Variants in CDH12 observed in about 807,000 individuals in gnomAD.
The protein encoded by CDH12 is cadherin-12.
Under a neutral mutation model 74.1 loss-of-function variants are expected in CDH12, and 41 were observed. The observed-to-expected ratio is 0.55, with a 90% CI of 0.43 to 0.72. CDH12 has a LOEUF of 0.72. CDH12 is among the 30% of genes least tolerant of loss of function. The pLI is 0.00. For synonymous variants in CDH12, 399 were observed against 355.0 expected (o/e 1.12, Z -1.39); for missense variants, 945 against 977.2 (o/e 0.97, Z 0.44).
At chr5:22,711,205 C>G (rs545519166) in intron 1 of CDH12, among the ~76,000 whole-genome samples, 17 of 152,148 alleles carry the variant, frequency 1.1e-4, no homozygotes, top group African/African-American at 3.9e-4. Flanking sequence ...GTCATAGCAT[C>G]ATATGCAATA....
intron 1 of CDH12, among the ~76,000 whole-genome samples, chr5:22,678,802 T>A (rs1303591646): frequency 1.3e-5 from 2 of 152,130 alleles, no homozygotes; most frequent in Non-Finnish European, 2.9e-5. Context: ...ATCTTATTTA[T>A]TTACCTTTAC....
At chr5:22,655,632 G>A (rs191101130) in intron 1 of CDH12, among the ~76,000 whole-genome samples, 7 of 151,646 alleles carry the variant, frequency 4.6e-5, no homozygotes, top group Admixed American at 2.0e-4. Flanking sequence ...CCTTTTTTGT[G>A]GGTTACATGA....
intron 10 of CDH12, among the ~76,000 whole-genome samples, chr5:21,784,543 C>A (rs1009918103): frequency 6.6e-6 from 1 of 152,016 alleles, no homozygotes; most frequent in East Asian, 1.9e-4. Flanking sequence ...CACAGTCTTA[C>A]CAATTTTAAA....
chr5:22,164,541 C>A (rs535124981), intron 4 of CDH12, among the ~76,000 whole-genome samples: 34 of 152,288 alleles, frequency 2.2e-4, no homozygotes, highest in African/African-American at 7.5e-4. Flanking sequence ...CCGTAATAAA[C>A]ACGGACCAGA....
chr5:22,223,737 C>G (rs1173176498), intron 3 of CDH12, among the ~76,000 whole-genome samples: 1 of 151,868 alleles, frequency 6.6e-6, no homozygotes, highest in Non-Finnish European at 1.5e-5. Context: ...AAGGCAGCAT[C>G]ATTAGTGTAG....
At chr5:22,081,862 T>C (rs1580219970) in intron 4 of CDH12, among the ~76,000 whole-genome samples, 2 of 152,332 alleles carry the variant, frequency 1.3e-5, no homozygotes, top group Middle Eastern at 3.4e-3. Context: ...CATCTGTTGA[T>C]TGTGCTAGAA....
chr5:22,666,092 C>A (rs1740598216), intron 1 of CDH12, among the ~76,000 whole-genome samples: 1 of 152,040 alleles, frequency 6.6e-6, no homozygotes, highest in South Asian at 2.1e-4. Context: ...CATATCAATC[C>A]TGCCAAACAT....
At chr5:22,850,740 A>G (rs926948293) in intron 1 of CDH12, among the ~76,000 whole-genome samples, 1 of 152,264 alleles carries the variant, frequency 6.6e-6, no homozygotes, top group Non-Finnish European at 1.5e-5. Context: ...GGAAGTAGGA[A>G]GAAATTTACA....
intron 2 of CDH12, among the ~76,000 whole-genome samples, chr5:22,429,313 AT>A (rs908360130): frequency 3.4e-4 from 51 of 150,906 alleles, no homozygotes; most frequent in Non-Finnish European, 5.9e-4. Flanking sequence ...GTTTTTTTGC[AT>A]TTTTTTTAGA....
chr5:22,486,541 TC>T (rs557023202), intron 2 of CDH12, among the ~76,000 whole-genome samples: 51 of 145,566 alleles, frequency 3.5e-4, no homozygotes, highest in Admixed American at 7.1e-4. Context: ...AACCTCCGCC[TC>T]CCAGGTTCAA....
chr5:22,721,807 T>C (rs1743907844), intron 1 of CDH12, among the ~76,000 whole-genome samples: 2 of 152,264 alleles, frequency 1.3e-5, no homozygotes, highest in South Asian at 4.1e-4. Context: ...TTTCATGATA[T>C]CTGTTGATTT....
chr5:22,426,688 A>G (rs1253888224), intron 2 of CDH12, among the ~76,000 whole-genome samples: 1 of 152,218 alleles, frequency 6.6e-6, no homozygotes, highest in Non-Finnish European at 1.5e-5. Context: ...TAATTTTAAT[A>G]TATCAATCAG....
chr5:22,584,921 G>A (rs1740304114), intron 1 of CDH12, among the ~76,000 whole-genome samples: 1 of 151,918 alleles, frequency 6.6e-6, no homozygotes, highest in African/African-American at 2.4e-5. Context: ...ACAAGATACT[G>A]CCATAATATT....
intron 3 of CDH12, among the ~76,000 whole-genome samples, chr5:22,251,290 C>T (rs1182585032): frequency 1.3e-5 from 2 of 152,148 alleles, no homozygotes; most frequent in African/African-American, 4.8e-5. Flanking sequence ...TCTACTGACA[C>T]TGATGGACAG....
chr5:21,931,598 T>C (rs1479167036), intron 6 of CDH12, among the ~76,000 whole-genome samples: 1 of 152,144 alleles, frequency 6.6e-6, no homozygotes, highest in Non-Finnish European at 1.5e-5. Context: ...GGTTAACACA[T>C]AAAAATGAGA....
At chr5:22,186,730 CA>C (rs1389768656) in intron 4 of CDH12, among the ~76,000 whole-genome samples, 1 of 152,168 alleles carries the variant, frequency 6.6e-6, no homozygotes, top group African/African-American at 2.4e-5. Flanking sequence ...CTTGGCCTCC[CA>C]AAGTGCTGGG....
intron 8 of CDH12, among the ~76,000 whole-genome samples, chr5:21,817,833 TA>T (rs1260035295): frequency 1.1e-4 from 17 of 151,978 alleles, no homozygotes; most frequent in Non-Finnish European, 1.8e-4. Context: ...GAAAAAAAAG[TA>T]AAATGCTTAT....
intron 3 of CDH12, among the ~76,000 whole-genome samples, chr5:22,333,347 G>A (rs1327429168): frequency 2.0e-5 from 3 of 152,066 alleles, no homozygotes; most frequent in African/African-American, 4.8e-5. Context: ...GAGAGCATTA[G>A]GACAAAGAGC....
intron 6 of CDH12, among the ~76,000 whole-genome samples, chr5:21,936,132 T>C (rs151045538): frequency 0.025 from 3,839 of 152,266 alleles, 182 homozygotes; most frequent in African/African-American, 0.088. Context: ...CTGGATCATA[T>C]GATAGCTCAA....
Sources: gnomAD v4.1 joint callset for allele counts (sites outside exome capture counted in the v4.1 genomes callset) on GRCh38, gnomAD v4.1.1 for gene constraint, MANE v1.5 for transcripts, NCBI Gene and HGNC (gene_info 2026-07-23, HGNC 2026-07-21) for gene names.